CTNNA2: variants seen among roughly 807,000 people sequenced by gnomAD.
CTNNA2 encodes the protein catenin alpha 2, also known as catenin alpha-2.
A neutral mutation model predicts 101.0 loss-of-function variants in CTNNA2; 42 were observed. The ratio of observed to expected loss-of-function variants is 0.42; its 90% CI spans 0.32 to 0.54. The LOEUF (loss-of-function observed/expected upper bound fraction) is 0.54. Ranked by LOEUF, CTNNA2 falls within the 20% of genes least tolerant of loss-of-function variation. The pLI is 0.14. For synonymous variants in CTNNA2, 450 were observed against 456.4 expected (o/e 0.99, Z 0.18); for missense variants, 871 against 1,223.1 (o/e 0.71, Z 4.29).
intron 7 of CTNNA2, among the ~76,000 whole-genome samples, chr2:80,114,825 G>A (rs112130719): frequency 0.013 from 2,000 of 152,140 alleles, 44 homozygotes; most frequent in African/African-American, 0.045. Flanking sequence ...CCTCACAAAC[G>A]GCCTGATTTT....
chr2:80,608,593 T>C (rs941174505), intron 17 of CTNNA2: 4 of 262,796 alleles, frequency 1.5e-5, no homozygotes, highest in Non-Finnish European at 2.9e-5. Context: ...TGCCAAGCTG[T>C]GACTATTGTA....
chr2:80,037,614 C>T (rs1695754463), intron 7 of CTNNA2, among the ~76,000 whole-genome samples: 1 of 152,126 alleles, frequency 6.6e-6, no homozygotes, highest in South Asian at 2.1e-4. Context: ...ACAAGAGCAT[C>T]ATGACTTTAT....
intron 15 of CTNNA2, among the ~76,000 whole-genome samples, chr2:80,589,903 T>TGTGCGC (rs1553400677): frequency 1.7e-4 from 24 of 144,516 alleles, no homozygotes; most frequent in Admixed American, 2.8e-4. Flanking sequence ...TGTGTGTGTG[T>TGTGCGC]GTGCGCGCGC....
intron 11 of CTNNA2, among the ~76,000 whole-genome samples, chr2:80,547,195 T>A (rs961323129): frequency 2.0e-5 from 3 of 152,196 alleles, no homozygotes; most frequent in Admixed American, 2.0e-4. Flanking sequence ...GTCAAATCTG[T>A]AGATTTGATG....
chr2:79,554,666 A>G lies in CTNNA2; in HGVS notation c.-6+41459A>G, dbSNP rs551593718. Among the ~76,000 whole-genome samples, 31 of 152,298 alleles carry G rather than the reference A, an allele frequency of 2.0e-4. No individual in the cohort carries two copies. In the East Asian group the frequency reaches 5.6e-3, roughly 28 times the overall value. On this transcript the variant is annotated intron_variant, in intron 1 of 18. Transcript: ENST00000402739. ...CTCTAGAAAAAGTGAAAAATAGATC[A>G]TTAAGATAGAAGGCTCCAGACACCT... is the stretch of plus-strand genomic sequence containing the variant.
chr2:80,023,332 G>T (rs946312452), intron 7 of CTNNA2, among the ~76,000 whole-genome samples: 5 of 152,132 alleles, frequency 3.3e-5, no homozygotes, highest in African/African-American at 9.7e-5. Context: ...GATTTATTGA[G>T]CACCTAAAAT....
At position 80,392,693 on chromosome 2, in the gene CTNNA2, G is replaced by A. The variant is rs188357732; in HGVS notation, c.1057-518G>A. On this transcript the variant is annotated intron_variant, in intron 7 of 18. Transcript: ENST00000402739. ...CCACTACATGACAGAGCAGAGATTAGCAATACTGTATTTTCTAGTAAAGCA... is the reference window on the plus strand; with the variant it reads ...CCACTACATGACAGAGCAGAGATTAACAATACTGTATTTTCTAGTAAAGCA... 1.6e-3 allele frequency among the ~76,000 whole-genome samples: 236 copies of A among 152,188 alleles called. 1 individual carries two copies. The highest frequency in any genetic ancestry group is 5.6e-3 in the African/African-American group (232 of 41,514).
intron 6 of CTNNA2, among the ~76,000 whole-genome samples, chr2:79,905,443 T>C (rs1685353032): frequency 6.6e-6 from 1 of 152,080 alleles, no homozygotes; most frequent in Non-Finnish European, 1.5e-5. Context: ...CTAAAATAAG[T>C]CTGTAAAGTT....
chr2:79,325,703 A>T (rs1388626459), intron 3 of CTNNA2, among the ~76,000 whole-genome samples: 1 of 152,180 alleles, frequency 6.6e-6, no homozygotes, highest in Non-Finnish European at 1.5e-5. Flanking sequence ...CCATCCAGGC[A>T]GCCTCCCCAG....
At chr2:80,057,421 T>C (rs1204062606) in intron 7 of CTNNA2, among the ~76,000 whole-genome samples, 1 of 152,194 alleles carries the variant, frequency 6.6e-6, no homozygotes, top group Non-Finnish European at 1.5e-5. Flanking sequence ...TCAAATAATA[T>C]TTTTAGGCCC....
chr2:79,518,574 C>G (rs1489560950), intron 1 of CTNNA2, among the ~76,000 whole-genome samples: 1 of 152,110 alleles, frequency 6.6e-6, no homozygotes, highest in African/African-American at 2.4e-5. Flanking sequence ...TCTTCCACAT[C>G]CCACCCAGAA....
chr2:80,584,889 A>T (rs946509898), intron 14 of CTNNA2, among the ~76,000 whole-genome samples: 1 of 152,188 alleles, frequency 6.6e-6, no homozygotes, highest in Non-Finnish European at 1.5e-5. Context: ...GAGTTGGATC[A>T]TTCAGGCAAT....
chr2:79,244,194 T>C (rs892599088), intron 2 of CTNNA2, among the ~76,000 whole-genome samples: 4 of 152,156 alleles, frequency 2.6e-5, no homozygotes, highest in African/African-American at 9.7e-5. Context: ...TCCATGTAAG[T>C]TACATATTTT....
At chr2:79,873,337 G>A (rs1682735388) in intron 5 of CTNNA2, among the ~76,000 whole-genome samples, 1 of 152,060 alleles carries the variant, frequency 6.6e-6, no homozygotes, top group Admixed American at 6.6e-5. Context: ...GCCTCTTATA[G>A]GCCAGCCACT....
chr2:79,781,212 A>G (rs909947977), intron 3 of CTNNA2, among the ~76,000 whole-genome samples: 2 of 152,172 alleles, frequency 1.3e-5, no homozygotes, highest in African/African-American at 4.8e-5. Context: ...TAAATTCCTG[A>G]CGTTGCCATG....
At chr2:79,797,857 C>A (rs776364826) in intron 3 of CTNNA2, among the ~76,000 whole-genome samples, 3 of 151,882 alleles carry the variant, frequency 2.0e-5, no homozygotes, top group Non-Finnish European at 4.4e-5. Context: ...TTGCACTGTT[C>A]TCTGGGGTGG....
At chr2:80,141,210 C>A (rs1262232665) in intron 7 of CTNNA2, among the ~76,000 whole-genome samples, 1 of 151,980 alleles carries the variant, frequency 6.6e-6, no homozygotes, top group African/African-American at 2.4e-5. Flanking sequence ...CTGTCTAGAG[C>A]TCTCCCTTTC....
chr2:79,270,933 T>A (rs369795078), intron 2 of CTNNA2, among the ~76,000 whole-genome samples: 141 of 150,984 alleles, frequency 9.3e-4, no homozygotes, highest in African/African-American at 3.3e-3. Context: ...ACTAGGGATT[T>A]AAAAAAAAAT....
chr2:79,432,377 A>T (rs1234013556), intron 4 of CTNNA2, among the ~76,000 whole-genome samples: 2 of 152,138 alleles, frequency 1.3e-5, no homozygotes, highest in African/African-American at 2.4e-5. Context: ...TAACTCCAAA[A>T]TCTATGTACA....
Sources: gnomAD v4.1 joint callset for allele counts (sites outside exome capture counted in the v4.1 genomes callset) on GRCh38, gnomAD v4.1.1 for gene constraint, MANE v1.5 for transcripts, NCBI Gene and HGNC (gene_info 2026-07-23, HGNC 2026-07-21) for gene names.